The following DLG2 variants were observed in gnomAD, a reference collection of about 807,000 sequenced individuals.
DLG2 encodes the protein disks large homolog 2.
In DLG2, 45 loss-of-function variants were observed where a neutral mutation model predicts 132.5. The observed-to-expected ratio is 0.34, with a 90% CI of 0.27 to 0.44. The LOEUF (loss-of-function observed/expected upper bound fraction) is 0.44, where lower values mean the gene tolerates loss of function less well. Among genes scored for constraint, DLG2 ranks in the 20% least tolerant of loss-of-function variants. The probability of loss-of-function intolerance (pLI) is 1.00; values close to 1 mark genes in which losing one functional copy is unlikely to be tolerated. For missense variants in DLG2, 1,045 were observed against 1,196.9 expected, an observed-to-expected ratio of 0.87 and a Z score of 1.87; for synonymous variants, 424 against 419.6, an observed-to-expected ratio of 1.01 and a Z score of -0.13.
intron 6 of DLG2, among the ~76,000 whole-genome samples, chr11:84,668,847 A>T (rs1303151550): frequency 6.6e-6 from 1 of 152,184 alleles, no homozygotes; most frequent in African/African-American, 2.4e-5. Flanking sequence ...TGCGAAGAAG[A>T]CACAAAACAC....
At chr11:84,391,214 A>C (rs2098791553) in intron 7 of DLG2, among the ~76,000 whole-genome samples, 1 of 152,214 alleles carries the variant, frequency 6.6e-6, no homozygotes, top group Non-Finnish European at 1.5e-5. Flanking sequence ...AAGCTCTAAA[A>C]ACAAGTGCTG....
At chr11:85,175,363 A>G (rs2079159772) in intron 4 of DLG2, among the ~76,000 whole-genome samples, 1 of 152,168 alleles carries the variant, frequency 6.6e-6, no homozygotes, top group Non-Finnish European at 1.5e-5. Context: ...AACTAAAGAA[A>G]CCACGTGATT....
intron 2 of DLG2, among the ~76,000 whole-genome samples, chr11:85,617,319 T>C (rs2081404091): frequency 6.6e-6 from 1 of 152,238 alleles, no homozygotes; most frequent in Non-Finnish European, 1.5e-5. Context: ...AAACAGCCTC[T>C]TGCCATTTCC....
intron 19 of DLG2, among the ~76,000 whole-genome samples, chr11:83,562,752 T>C (rs1012131574): frequency 6.6e-6 from 1 of 151,914 alleles, no homozygotes; most frequent in Non-Finnish European, 1.5e-5. Context: ...AGTAGGTTTT[T>C]TCTATAAAAT....
chr11:83,825,530 G>A (rs1339648914), intron 17 of DLG2, among the ~76,000 whole-genome samples: 1 of 152,022 alleles, frequency 6.6e-6, no homozygotes. Context: ...TTCTATGTCA[G>A]ACAATGGGGA....
intron 6 of DLG2, among the ~76,000 whole-genome samples, chr11:84,619,634 T>C (rs961221506): frequency 4.0e-5 from 6 of 151,464 alleles, no homozygotes; most frequent in Non-Finnish European, 7.4e-5. Flanking sequence ...AGAAAAATCA[T>C]GATCATCTCA....
chr11:85,157,518 A>T (rs1156838094), intron 4 of DLG2, among the ~76,000 whole-genome samples: 1 of 152,216 alleles, frequency 6.6e-6, no homozygotes, highest in Non-Finnish European at 1.5e-5. Flanking sequence ...GACTCTATAC[A>T]TAATACATTT....
chr11:83,526,467 T>A (rs2095612776), intron 21 of DLG2, among the ~76,000 whole-genome samples: 1 of 152,116 alleles, frequency 6.6e-6, no homozygotes, highest in African/African-American at 2.4e-5. Context: ...ATGTTTAAGG[T>A]AGACATCGTG....
intron 21 of DLG2, among the ~76,000 whole-genome samples, chr11:83,522,329 G>T (rs1227591387): frequency 2.2e-4 from 1 of 4,618 alleles, no homozygotes; most frequent in Non-Finnish European, 3.7e-4. Context: ...TGTGTGTGGT[G>T]TGTACCAAAA....
At position 84,731,493 on chromosome 11, in the gene DLG2, T is replaced by C. The variant is rs1021336671; in HGVS notation, c.358-196762A>G. Among the ~76,000 whole-genome samples the C allele has an allele frequency of 3.3e-5, 5 of 151,142 alleles. No individual in the cohort carries two copies. The Admixed American group carries it at 3.3e-4, about 10-fold the overall frequency. On this transcript the variant is annotated intron_variant, in intron 6 of 27. Transcript: ENST00000376104. ...CATAATTAGGAGAGTGATAAGTGAG[T>C]TGAGATAAGAAAAATAAGTGGGAAT...
intron 3 of DLG2, among the ~76,000 whole-genome samples, chr11:85,440,183 T>G (rs143018772): frequency 1.2e-4 from 18 of 152,346 alleles, no homozygotes; most frequent in African/African-American, 3.6e-4. Flanking sequence ...AAATAATTAT[T>G]AACCATTATC....
At chr11:84,872,632 T>C in intron 6 of DLG2, among the ~76,000 whole-genome samples, 1 of 152,354 alleles carries the variant, frequency 6.6e-6, no homozygotes, top group African/African-American at 2.4e-5. Flanking sequence ...TTGAGTTGGA[T>C]GTGCTTAGTT....
At chr11:84,774,875 G>A (rs968295182) in intron 6 of DLG2, among the ~76,000 whole-genome samples, 3 of 151,870 alleles carry the variant, frequency 2.0e-5, no homozygotes, top group African/African-American at 7.3e-5. Context: ...TCACCCTTGG[G>A]AAAGAATTTA....
intron 7 of DLG2, among the ~76,000 whole-genome samples, chr11:84,502,489 A>G (rs185423676): frequency 2.3e-4 from 34 of 149,390 alleles, no homozygotes; most frequent in Admixed American, 2.7e-4. Context: ...TCCATCTCCC[A>G]GGTACAAGCG....
At chr11:84,931,225 G>T (rs2048048059) in intron 6 of DLG2, among the ~76,000 whole-genome samples, 1 of 151,938 alleles carries the variant, frequency 6.6e-6, no homozygotes, top group Non-Finnish European at 1.5e-5. Context: ...TTGTGTCATG[G>T]GGGTTTCTTG....
chr11:85,178,270 T>C (rs1418777722), intron 4 of DLG2, among the ~76,000 whole-genome samples: 1 of 152,014 alleles, frequency 6.6e-6, no homozygotes, highest in African/African-American at 2.4e-5. Flanking sequence ...AAAAGGCAAA[T>C]TGCTCTTTAA....
At chr11:83,998,305 T>C (rs1415971717) in intron 11 of DLG2, among the ~76,000 whole-genome samples, 1 of 152,150 alleles carries the variant, frequency 6.6e-6, no homozygotes, top group Admixed American at 6.5e-5. Context: ...ATAAAATAAA[T>C]AAAAAATACA....
chr11:85,061,709 A>G (rs1035401290), intron 6 of DLG2, among the ~76,000 whole-genome samples: 2 of 151,948 alleles, frequency 1.3e-5, no homozygotes, highest in East Asian at 1.9e-4. Context: ...GACAAATTCC[A>G]TCACTAAGTT....
intron 6 of DLG2, among the ~76,000 whole-genome samples, chr11:84,767,280 G>A (rs575622354): frequency 1.3e-5 from 2 of 152,078 alleles, no homozygotes; most frequent in African/African-American, 4.8e-5. Flanking sequence ...TTGTTTTAAA[G>A]AAAATAAAAT....
Sources: gnomAD v4.1 joint callset for allele counts (sites outside exome capture counted in the v4.1 genomes callset) on GRCh38, gnomAD v4.1.1 for gene constraint, MANE v1.5 for transcripts, NCBI Gene and HGNC (gene_info 2026-07-23, HGNC 2026-07-21) for gene names.